Variants in GGT1 observed in about 807,000 individuals in gnomAD.
GGT1 encodes the protein gamma-glutamyltransferase 1, also known as glutathione hydrolase 1 proenzyme.
A neutral mutation model predicts 56.0 loss-of-function variants in GGT1; 21 were observed. That is an observed-to-expected ratio of 0.38 (90% CI 0.27 to 0.54). The LOEUF (loss-of-function observed/expected upper bound fraction) is 0.54. GGT1 is among the 20% of genes least tolerant of loss of function. The pLI is 0.82. For synonymous variants in GGT1, 238 were observed against 342.6 expected (o/e 0.69, Z 3.37); for missense variants, 466 against 787.0 (o/e 0.59, Z 4.88).
the GGT1 span, chr22:24,589,421 G>C: frequency 9.9e-7 from 1 of 1,011,970 alleles, no homozygotes; most frequent in Non-Finnish European, 1.2e-6. Context: ...CTCTAGCCGA[G>C]AGCGGCTCTC....
chr22:24,585,717 G>A, the GGT1 span: 1 of 771,696 alleles, frequency 1.3e-6, no homozygotes, highest in South Asian at 1.9e-5. Context: ...CTCTAGCCAG[G>A]GCTGGCCACC....
At chr22:24,619,085 T>C (rs1461702449) in intron 7 of GGT1, among the ~76,000 whole-genome samples, 2 of 152,138 alleles carry the variant, frequency 1.3e-5, no homozygotes, top group Non-Finnish European at 2.9e-5. Context: ...GCAAGACCCC[T>C]GTCTCTACAA....
intron 7 of GGT1, among the ~76,000 whole-genome samples, chr22:24,615,386 C>T (rs1019600614): frequency 9.9e-5 from 15 of 152,202 alleles, no homozygotes; most frequent in African/African-American, 3.6e-4. Flanking sequence ...AATTATTATG[C>T]TAGCAGACCT....
At chr22:24,602,774 G>T (rs1413988152), upstream of GGT1, among the ~76,000 whole-genome samples, 1 of 152,162 alleles carries the variant, frequency 6.6e-6, no homozygotes. Context: ...GTTAGGAGAG[G>T]CATCCCCTGC....
the GGT1 span, chr22:24,586,258 C>T: frequency 3.0e-5 from 49 of 1,613,736 alleles, no homozygotes; most frequent in Middle Eastern, 3.3e-4. Flanking sequence ...GCTCATCACT[C>T]AGCCCCGTGA....
chr22:24,587,069 C>T, the GGT1 span, among the ~76,000 whole-genome samples: 27 of 152,314 alleles, frequency 1.8e-4, no homozygotes, highest in African/African-American at 5.5e-4. Context: ...CACCACTAAG[C>T]GGGGAACCAG....
upstream of GGT1, among the ~76,000 whole-genome samples, chr22:24,602,416 G>A (rs566289540): frequency 5.9e-4 from 90 of 152,350 alleles, no homozygotes; most frequent in African/African-American, 2.1e-3. Context: ...AAGAAGGAAC[G>A]TAAGCGTGAG....
the GGT1 span, chr22:24,588,420 G>A: frequency 1.7e-5 from 17 of 1,006,280 alleles, 1 homozygote; most frequent in Non-Finnish European, 2.6e-5. Flanking sequence ...CCAAGTGTGT[G>A]TGTGAGCACA....
chr22:24,618,387 T>G (rs1601724041), intron 7 of GGT1, among the ~76,000 whole-genome samples: 1 of 152,274 alleles, frequency 6.6e-6, no homozygotes, highest in East Asian at 1.9e-4. Flanking sequence ...GGTCAGGAGT[T>G]TGAAACCAGC....
chr22:24,619,484 G>T (rs776902351), intron 7 of GGT1, among the ~76,000 whole-genome samples: 2 of 151,842 alleles, frequency 1.3e-5, no homozygotes, highest in Non-Finnish European at 2.9e-5. Flanking sequence ...TAGGAGGATC[G>T]CTTGAGCCTG....
At chr22:24,585,829 C>T in the GGT1 span, 5 of 1,462,548 alleles carry the variant, frequency 3.4e-6, no homozygotes, top group Non-Finnish European at 3.6e-6. Context: ...TCATCGCCCA[C>T]TATCATGTGC....
At chr22:24,584,038 G>A in the GGT1 span, among the ~76,000 whole-genome samples, 1 of 152,244 alleles carries the variant, frequency 6.6e-6, no homozygotes, top group East Asian at 1.9e-4. Flanking sequence ...ATAAATGTAT[G>A]TTGGTTTAAG....
chr22:24,625,897 CT>C (rs1569065389), intron 11 of GGT1, among the ~76,000 whole-genome samples: 1 of 150,284 alleles, frequency 6.7e-6, no homozygotes, highest in Non-Finnish European at 1.5e-5. Flanking sequence ...ATTTGCCTTT[CT>C]GTTTCCTTGA....
Position 24,628,526 on chromosome 22 carries a change from T to A in GGT1, c.1563+138T>A. 2 of 1,259,966 alleles carry A rather than the reference T, an allele frequency of 1.6e-6. No individual in the cohort carries two copies. Among genetic ancestry groups the A allele is most frequent in the Non-Finnish European group, 1.1e-6 (1 of 894,150 alleles). The allele number at this position is 1,259,966 out of a possible 1,614,324, so 78.0% of individuals were successfully genotyped here. A position where few individuals can be genotyped will look rare whatever the true frequency, so the allele number is the denominator to read the frequency against. Reference sequence around the variant, plus strand: ...TGGGCCATCTGGAGCCCCTGTGCCATGAGGGCCAAGCCCCCTGCTCCAGTG... The same window carrying A: ...TGGGCCATCTGGAGCCCCTGTGCCAAGAGGGCCAAGCCCCCTGCTCCAGTG... On this transcript the variant is annotated intron_variant, in intron 15 of 15. Transcript: ENST00000400382. This position sits in a 1 kb window ranked among gnomAD's most constrained non-coding sequence, Gnocchi z 5.7.
In GGT1 at chr22:24,605,961, T is replaced by G. The variant is rs1395251118; in HGVS notation, c.-428-1993T>G. Among the ~76,000 whole-genome samples, 22 of 86,002 alleles carry G rather than the reference T, an allele frequency of 2.6e-4. 6 individuals are homozygous for G. Among genetic ancestry groups the G allele is most frequent in the Non-Finnish European group, 4.5e-4 (22 of 48,424 alleles). 56.4% of individuals were successfully genotyped at this position (86,002 alleles called of 152,430 possible). A position where few individuals can be genotyped will look rare whatever the true frequency, so the allele number is the denominator to read the frequency against. Reference sequence around the variant, plus strand: ...ATAATATATAATATTATATATAATATATTACATATAATATATCATATATTA... The same window carrying G: ...ATAATATATAATATTATATATAATAGATTACATATAATATATCATATATTA... On this transcript the variant is annotated intron_variant, in intron 1 of 15. Transcript: ENST00000400382.
At chr22:24,603,759 G>T (rs1363562520) in intron 1 of GGT1, among the ~76,000 whole-genome samples, 1 of 151,902 alleles carries the variant, frequency 6.6e-6, no homozygotes, top group Non-Finnish European at 1.5e-5. Flanking sequence ...AGCCCTGAGT[G>T]GGGGCGGGGG....
At chr22:24,589,881 G>T, upstream of GGT1, 1 of 1,613,810 alleles carries the variant, frequency 6.2e-7, no homozygotes, top group South Asian at 1.1e-5. Context: ...AGATGGGGTC[G>T]ACCGGGTTGA....
intron 1 of GGT1, among the ~76,000 whole-genome samples, chr22:24,606,017 A>G (rs868384046): frequency 0.018 from 471 of 26,184 alleles, 108 homozygotes; most frequent in South Asian, 0.032. Flanking sequence ...TATATCATAT[A>G]TTATATTTAT....
At chr22:24,592,363 T>A (rs1403224188), upstream of GGT1, 2 of 470,446 alleles carry the variant, frequency 4.3e-6, no homozygotes, top group Non-Finnish European at 8.8e-6. Flanking sequence ...TGTCTTGGGG[T>A]GAGGCTGCAT....
Sources: gnomAD v4.1 joint callset for allele counts (sites outside exome capture counted in the v4.1 genomes callset) on GRCh38, gnomAD v4.1.1 for gene constraint, Gnocchi (gnomAD v3.1) non-coding constraint, MANE v1.5 for transcripts, NCBI Gene and HGNC (gene_info 2026-07-23, HGNC 2026-07-21) for gene names.